The following ORC4 variants were observed in gnomAD, a reference collection of about 807,000 sequenced individuals.
The protein encoded by ORC4 is origin recognition complex subunit 4, also known as origin recognition complex, subunit 4 homolog.
Under a neutral mutation model 63.9 loss-of-function variants are expected in ORC4, and 55 were observed. That is an observed-to-expected ratio of 0.86 (90% CI 0.69 to 1.08). The LOEUF is 1.08. Ranked by LOEUF, ORC4 falls within the 50% of genes least tolerant of loss-of-function variation. ORC4 has a pLI of 0.00. For synonymous variants in ORC4, 150 were observed against 168.5 expected, an observed-to-expected ratio of 0.89 and a Z score of 0.85; for missense variants, 511 against 504.4, an observed-to-expected ratio of 1.01 and a Z score of -0.13.
chr2:147,937,875 A>G (rs1688137522), intron 13 of ORC4: 1 of 409,302 alleles, frequency 2.4e-6, no homozygotes, highest in Non-Finnish European at 4.4e-6. Context: ...GGAAAGGGAA[A>G]GGTTATATCA....
At chr2:147,958,415 T>A in intron 5 of ORC4, 32 bp from the exon 6 acceptor site, 1 of 1,514,274 alleles carries the variant, frequency 6.6e-7, no homozygotes, top group Admixed American at 1.7e-5. Context: ...AGTATTTAAT[T>A]AAAATTAAAC....
chr2:147,949,694 ATACT>A (rs1688846139), intron 8 of ORC4, among the ~76,000 whole-genome samples: 2 of 152,188 alleles, frequency 1.3e-5, no homozygotes, highest in Admixed American at 1.3e-4. Flanking sequence ...ACATTCTAAA[ATACT>A]TACTGATAAA....
chr2:148,006,131 C>A (rs746868321), intron 1 of ORC4, among the ~76,000 whole-genome samples: 7 of 152,198 alleles, frequency 4.6e-5, no homozygotes, highest in Admixed American at 3.9e-4. Flanking sequence ...CCTCCTCCAA[C>A]CCCAGGCAGC....
intron 1 of ORC4, among the ~76,000 whole-genome samples, chr2:147,988,318 T>C (rs1486684353): frequency 6.6e-6 from 1 of 151,850 alleles, no homozygotes; most frequent in Non-Finnish European, 1.5e-5. Context: ...TGTAGGTATA[T>C]GAATCCAGTT....
intron 1 of ORC4, among the ~76,000 whole-genome samples, chr2:147,979,667 TG>T (rs1334127487): frequency 6.6e-6 from 1 of 152,050 alleles, no homozygotes; most frequent in Non-Finnish European, 1.5e-5. Context: ...TCAGACTACC[TG>T]ATTTCAATAC....
chr2:147,941,611 A>T (rs190789268), intron 10 of ORC4, among the ~76,000 whole-genome samples: 2 of 152,194 alleles, frequency 1.3e-5, no homozygotes, highest in East Asian at 3.9e-4. Flanking sequence ...AGCTAAGAAT[A>T]TGAGTAAGCA....
At chr2:148,004,424 A>G (rs1256240096) in intron 1 of ORC4, among the ~76,000 whole-genome samples, 1 of 152,160 alleles carries the variant, frequency 6.6e-6, no homozygotes, top group African/African-American at 2.4e-5. Flanking sequence ...TATACAGACC[A>G]ATGGAACAGA....
At chr2:147,971,907 T>C (rs966353922) in intron 4 of ORC4, among the ~76,000 whole-genome samples, 3 of 152,032 alleles carry the variant, frequency 2.0e-5, no homozygotes, top group African/African-American at 7.2e-5. Context: ...AACAGTAAAA[T>C]CCTAACGTAC....
Position 147,970,154 on chromosome 2 carries a change from CAT to C in ORC4, c.225+2583_225+2584del, listed in dbSNP as rs201115683. 4.0e-3 allele frequency among the ~76,000 whole-genome samples: 616 copies of C among 152,200 alleles called. 1 individual carries two copies. The highest frequency in any genetic ancestry group is 8.9e-3 in the East Asian group (46 of 5,178). Reference sequence around the variant, plus strand: ...AAAATTAGGTATAAATCTAACGAAACATGTGTAAGATCTTTATTAAGAAAACT... The same window carrying C: ...AAAATTAGGTATAAATCTAACGAAACGTGTAAGATCTTTATTAAGAAAACT... On this transcript the variant is annotated intron_variant, in intron 4 of 13. Transcript: ENST00000392857.
chr2:147,998,933 A>C (rs544051079), intron 1 of ORC4, among the ~76,000 whole-genome samples: 164 of 152,228 alleles, frequency 1.1e-3, no homozygotes, highest in Middle Eastern at 3.4e-3. Context: ...ATAAAACAGA[A>C]ATGAAAGGAT....
At chr2:147,980,447 C>T (rs1343246328) in intron 1 of ORC4, among the ~76,000 whole-genome samples, 1 of 151,518 alleles carries the variant, frequency 6.6e-6, no homozygotes, top group Non-Finnish European at 1.5e-5. Context: ...AACCAGTTTC[C>T]CGTGGATACA....
At chr2:147,952,280 A>C in intron 8 of ORC4, 93 bp downstream of exon 8, 1 of 926,120 alleles carries the variant, frequency 1.1e-6, no homozygotes, top group South Asian at 1.6e-5. Context: ...TTTTAAAATG[A>C]CCTAAATAAG....
chr2:147,999,780 A>C (rs950348045), intron 1 of ORC4, among the ~76,000 whole-genome samples: 1 of 152,174 alleles, frequency 6.6e-6, no homozygotes, highest in Non-Finnish European at 1.5e-5. Context: ...ATCTAACATA[A>C]ATTTGAACAT....
chr2:147,988,807 G>C (rs1459747369), intron 1 of ORC4, among the ~76,000 whole-genome samples: 1 of 133,112 alleles, frequency 7.5e-6, no homozygotes, highest in Non-Finnish European at 1.6e-5. Flanking sequence ...AAAAAAAAAA[G>C]ATTTACTTCA....
At chr2:148,011,643 A>G (rs1273358002) in intron 1 of ORC4, among the ~76,000 whole-genome samples, 1 of 152,206 alleles carries the variant, frequency 6.6e-6, no homozygotes, top group East Asian at 1.9e-4. Flanking sequence ...AGAATGAAAT[A>G]AAGGGCATTT....
At position 147,938,278 on chromosome 2, in the gene ORC4, C is replaced by G. The variant is rs757557596; in HGVS notation, c.1054+20G>C. ...GCAGTGGGGAAGAGTCAGAAAAAAG[C>G]TACTTAAGTCTCATCTCACCATTAT... On this transcript the variant is annotated intron_variant, in intron 12 of 13. Coordinates refer to ENST00000392857, the MANE Select transcript of ORC4 (RefSeq NM_181741.4). 1.7e-4 allele frequency: 267 copies of G among 1,587,754 alleles called. No individual in the cohort carries two copies. Among genetic ancestry groups the G allele is most frequent in the Non-Finnish European group, 2.2e-4 (253 of 1,156,560 alleles).
intron 1 of ORC4, among the ~76,000 whole-genome samples, chr2:147,989,689 T>C (rs921148426): frequency 7.3e-5 from 11 of 151,716 alleles, no homozygotes; most frequent in Admixed American, 3.9e-4. Context: ...ACCAGGGCAA[T>C]AGGGCGAGAC....
chr2:147,940,052 T>C (rs1386682014), intron 10 of ORC4, among the ~76,000 whole-genome samples: 2 of 152,160 alleles, frequency 1.3e-5, no homozygotes, highest in Non-Finnish European at 2.9e-5. Context: ...CGCAACTGAT[T>C]AGCTGGGCAG....
chr2:148,005,656 CAAAAA>C (rs55869341), intron 1 of ORC4, among the ~76,000 whole-genome samples: 1 of 51,490 alleles, frequency 1.9e-5, no homozygotes, highest in African/African-American at 7.8e-5. Flanking sequence ...ACTATCCATG[CAAAAA>C]AAAAAAAAAA....
Sources: gnomAD v4.1 joint callset for allele counts (sites outside exome capture counted in the v4.1 genomes callset) on GRCh38, gnomAD v4.1.1 for gene constraint, MANE v1.5 for transcripts, NCBI Gene and HGNC (gene_info 2026-07-23, HGNC 2026-07-21) for gene names.